The following WDR7 variants were observed in gnomAD, a reference collection of about 807,000 sequenced individuals.
WDR7 encodes WD repeat domain 7.
Under a neutral mutation model 169.4 loss-of-function variants are expected in WDR7, and 46 were observed. The ratio of observed to expected loss-of-function variants is 0.27; its 90% CI spans 0.21 to 0.35. WDR7 has a LOEUF of 0.35. Among genes scored for constraint, WDR7 ranks in the 10% least tolerant of loss-of-function variants. The pLI is 1.00. For synonymous variants in WDR7, 612 were observed against 666.8 expected (o/e 0.92, Z 1.27); for missense variants, 1,534 against 1,859.3 (o/e 0.83, Z 3.22).
intron 21 of WDR7, among the ~76,000 whole-genome samples, chr18:56,905,802 G>T (rs1393830285): frequency 6.6e-6 from 1 of 151,960 alleles, no homozygotes; most frequent in Non-Finnish European, 1.5e-5. Flanking sequence ...ATTGAAATAG[G>T]AACCTATCAA....
chr18:56,776,896 T>A lies in WDR7; in HGVS notation c.2947+16T>A. On this transcript the variant is annotated intron_variant, in intron 17 of 27. Coordinates refer to ENST00000254442, the MANE Select transcript of WDR7 (RefSeq NM_015285.3). ...GTAAATGAAGGTATCTCTCTCAACT[T>A]CTAACAACTTTCTCTCAATCTGTGC... 1 of 1,596,852 alleles carries A rather than the reference T, an allele frequency of 6.3e-7. No homozygotes were observed. Among genetic ancestry groups the A allele is most frequent in the Non-Finnish European group, 8.6e-7 (1 of 1,164,588 alleles).
chr18:56,774,735 G>C (rs545881467), intron 16 of WDR7, among the ~76,000 whole-genome samples: 68 of 152,192 alleles, frequency 4.5e-4, no homozygotes, highest in African/African-American at 1.6e-3. Flanking sequence ...AAGTGCTGTA[G>C]ATTTTGCCAT....
chr18:57,017,412 CTGTGTGTG>C (rs10571337), intron 26 of WDR7, among the ~76,000 whole-genome samples: 139 of 143,728 alleles, frequency 9.7e-4, no homozygotes, highest in South Asian at 3.2e-3. Context: ...CAGCATCATG[CTGTGTGTG>C]TGTGTGTGTG....
At chr18:56,905,164 G>C (rs2046459034) in intron 21 of WDR7, among the ~76,000 whole-genome samples, 1 of 152,044 alleles carries the variant, frequency 6.6e-6, no homozygotes, top group African/African-American at 2.4e-5. Flanking sequence ...GTTTTATTCT[G>C]TTTTGAGATA....
chr18:56,727,260 T>A (rs2026478788), intron 13 of WDR7, among the ~76,000 whole-genome samples: 1 of 152,082 alleles, frequency 6.6e-6, no homozygotes. Flanking sequence ...TTTCTGCTAA[T>A]TTGAATTTTC....
intron 13 of WDR7, among the ~76,000 whole-genome samples, chr18:56,723,003 A>G (rs2026358146): frequency 1.3e-5 from 2 of 152,152 alleles, no homozygotes; most frequent in South Asian, 4.1e-4. Context: ...TAAACCATAA[A>G]CAATATTAGT....
intron 1 of WDR7, among the ~76,000 whole-genome samples, chr18:56,656,467 A>G (rs1248415263): frequency 1.3e-5 from 2 of 151,518 alleles, no homozygotes; most frequent in African/African-American, 4.9e-5. Context: ...TTTAGTAGAG[A>G]TGGGGTTTTA....
At chr18:56,695,289 C>G in intron 11 of WDR7, 91 bp downstream of exon 11, 1 of 1,491,042 alleles carries the variant, frequency 6.7e-7, no homozygotes, top group South Asian at 1.3e-5. Flanking sequence ...TAAATAAATA[C>G]AGTGAATCAG....
intron 21 of WDR7, among the ~76,000 whole-genome samples, chr18:56,909,598 A>T (rs1033988457): frequency 6.6e-6 from 1 of 151,990 alleles, no homozygotes. Context: ...GGACATTTTT[A>T]TATGTTTTAT....
chr18:56,691,834 G>A lies in WDR7; in HGVS notation c.966+17G>A, dbSNP rs776793267. ...GATAAAGAGGTAAAATTCTTGAGGT[G>A]TCATTTATAATTGAAAGTTACATTG... On this transcript the variant is annotated intron_variant, in intron 9 of 27. Transcript: ENST00000254442. The A allele has an allele frequency of 2.6e-6, 4 of 1,567,984 alleles. No individual in the cohort carries two copies. Among genetic ancestry groups the A allele is most frequent in the South Asian group, 2.3e-5 (2 of 86,176 alleles).
At chr18:56,762,172 C>G (rs1032133385) in intron 16 of WDR7, among the ~76,000 whole-genome samples, 3 of 151,862 alleles carry the variant, frequency 2.0e-5, no homozygotes, top group Non-Finnish European at 2.9e-5. Flanking sequence ...TAGAATAAAA[C>G]CAATTTTGTT....
intron 19 of WDR7, among the ~76,000 whole-genome samples, chr18:56,782,497 A>G (rs2044333775): frequency 6.6e-6 from 1 of 152,138 alleles, no homozygotes; most frequent in Admixed American, 6.5e-5. Context: ...ATATTGAATT[A>G]AAATTAAAAT....
At chr18:56,767,634 A>C (rs769035004) in intron 16 of WDR7, among the ~76,000 whole-genome samples, 1 of 152,160 alleles carries the variant, frequency 6.6e-6, no homozygotes, top group Non-Finnish European at 1.5e-5. Flanking sequence ...TTGTTACTCC[A>C]TCTTGGCCAG....
intron 16 of WDR7, among the ~76,000 whole-genome samples, chr18:56,770,807 T>TC (rs936471182): frequency 1.3e-5 from 2 of 152,134 alleles, no homozygotes; most frequent in Admixed American, 6.5e-5. Flanking sequence ...CCTTTTTTTT[T>TC]CCCTAAGAAT....
At chr18:56,768,364 G>A (rs1022945766) in intron 16 of WDR7, among the ~76,000 whole-genome samples, 1 of 152,128 alleles carries the variant, frequency 6.6e-6, no homozygotes, top group Non-Finnish European at 1.5e-5. Flanking sequence ...TACTGAGAGA[G>A]AGCTACATAG....
intron 25 of WDR7, among the ~76,000 whole-genome samples, chr18:56,941,565 G>T (rs1011190952): frequency 2.0e-5 from 3 of 152,182 alleles, no homozygotes; most frequent in African/African-American, 7.2e-5. Flanking sequence ...TAGAACATAG[G>T]TTGAGGATAG....
At position 56,873,078 on chromosome 18, in the gene WDR7, C is replaced by T. The variant is rs1021195465; in HGVS notation, c.3305-6866C>T. Among the ~76,000 whole-genome samples the T allele has an allele frequency of 2.0e-5, 3 of 152,278 alleles. No homozygotes were observed. In the East Asian group the frequency reaches 5.8e-4, roughly 29 times the overall value. The stretch of plus-strand genomic sequence containing the variant: ...GATGGGCATCTCTCCCTTATAGAAA[C>T]ACTAATCAGTCAGTGTCTCCTTTAG... On this transcript the variant is annotated intron_variant, in intron 20 of 27. Coordinates refer to ENST00000254442, the MANE Select transcript of WDR7 (RefSeq NM_015285.3).
chr18:56,687,647 G>A (rs559619391), intron 7 of WDR7, among the ~76,000 whole-genome samples: 194 of 152,134 alleles, frequency 1.3e-3, no homozygotes, highest in Middle Eastern at 0.01. Context: ...TTTTTAAAGA[G>A]ATGTGGTCTC....
intron 20 of WDR7, among the ~76,000 whole-genome samples, chr18:56,822,031 A>C (rs937889227): frequency 1.3e-5 from 2 of 151,994 alleles, no homozygotes; most frequent in Non-Finnish European, 2.9e-5. Flanking sequence ...GGCTCACGCT[A>C]TCCTCTCTCC....
Sources: gnomAD v4.1 joint callset for allele counts (sites outside exome capture counted in the v4.1 genomes callset) on GRCh38, gnomAD v4.1.1 for gene constraint, MANE v1.5 for transcripts, NCBI Gene and HGNC (gene_info 2026-07-23, HGNC 2026-07-21) for gene names.